The following FAF1 variants were observed in gnomAD, a reference collection of about 807,000 sequenced individuals.
FAF1 encodes the protein Fas associated factor 1.
In FAF1, 25 loss-of-function variants were observed where a neutral mutation model predicts 92.5. The observed-to-expected ratio is 0.27, with a 90% CI of 0.20 to 0.38. The LOEUF is 0.38. Among genes scored for constraint, FAF1 ranks in the 10% least tolerant of loss-of-function variants. The probability of loss-of-function intolerance (pLI) is 1.00; values close to 1 mark genes in which losing one functional copy is unlikely to be tolerated. For synonymous variants in FAF1, 234 were observed against 273.2 expected (o/e 0.86, Z 1.42); for missense variants, 636 against 793.3 (o/e 0.80, Z 2.38).
intron 18 of FAF1, among the ~76,000 whole-genome samples, chr1:50,463,341 A>G (rs934494356): frequency 1.3e-5 from 2 of 152,090 alleles, no homozygotes; most frequent in Admixed American, 1.3e-4. Flanking sequence ...TTTTTCTTCA[A>G]TAATTTTGCT....
chr1:50,797,981 A>G (rs1365741474), intron 3 of FAF1, among the ~76,000 whole-genome samples: 1 of 152,180 alleles, frequency 6.6e-6, no homozygotes, highest in Non-Finnish European at 1.5e-5. Flanking sequence ...AAGGCAATGA[A>G]CAGAAAGAAA....
chr1:50,888,911 A>G (rs1404843923), intron 1 of FAF1, among the ~76,000 whole-genome samples: 2 of 152,006 alleles, frequency 1.3e-5, no homozygotes, highest in African/African-American at 2.4e-5. Flanking sequence ...CTCTTTTTCT[A>G]TTGATTGGAA....
At chr1:50,468,194 G>A (rs1358612601) in intron 18 of FAF1, among the ~76,000 whole-genome samples, 1 of 152,044 alleles carries the variant, frequency 6.6e-6, no homozygotes, top group Admixed American at 6.6e-5. Flanking sequence ...GTATGACAGA[G>A]TGAGACTCTG....
chr1:50,477,039 T>C (rs1423547404), intron 17 of FAF1, among the ~76,000 whole-genome samples: 1 of 152,206 alleles, frequency 6.6e-6, no homozygotes, highest in Non-Finnish European at 1.5e-5. Context: ...AATTATCTGT[T>C]AAAAAATGTT....
At chr1:50,931,360 G>T (rs1233722383) in intron 1 of FAF1, among the ~76,000 whole-genome samples, 3 of 152,016 alleles carry the variant, frequency 2.0e-5, no homozygotes, top group African/African-American at 7.2e-5. Context: ...GTATTAGTTT[G>T]TTTTCACGCT....
chr1:50,765,806 TA>T (rs1557517156), intron 4 of FAF1, among the ~76,000 whole-genome samples: 2 of 152,064 alleles, frequency 1.3e-5, no homozygotes, highest in Non-Finnish European at 2.9e-5. Context: ...AAGAGTAAAA[TA>T]GGGCTAGGCA....
chr1:50,563,605 T>C (rs911809471), intron 13 of FAF1, among the ~76,000 whole-genome samples: 1 of 152,128 alleles, frequency 6.6e-6, no homozygotes, highest in Non-Finnish European at 1.5e-5. Flanking sequence ...TAAGCAACAT[T>C]CTTGGATGGA....
intron 2 of FAF1, among the ~76,000 whole-genome samples, chr1:50,839,577 T>C (rs1644239769): frequency 6.6e-6 from 1 of 152,154 alleles, no homozygotes; most frequent in South Asian, 2.1e-4. Context: ...ATTTTATGCT[T>C]TCACAGGAAG....
In FAF1 at chr1:50,746,156, A is replaced by T. The variant is rs190208376; in HGVS notation, c.368-1381T>A. Among the ~76,000 whole-genome samples, 142 of 150,090 alleles carry T rather than the reference A, an allele frequency of 9.5e-4. 2 individuals carry two copies. Among genetic ancestry groups the T allele is most frequent in the African/African-American group, 3.4e-3 (138 of 40,644 alleles). ...TGACTTAGGATAACTGGAGGAAGAA[A>T]TTTCTAAGGAACAAAGCATTCAAGA... On this transcript the variant is annotated intron_variant, in intron 4 of 18. Transcript: ENST00000396153.
chr1:50,639,630 C>A (rs561548009), intron 8 of FAF1, among the ~76,000 whole-genome samples: 1 of 151,870 alleles, frequency 6.6e-6, no homozygotes, highest in African/African-American at 2.4e-5. Flanking sequence ...CTTCCCTCTT[C>A]TTTCTTTTTT....
intron 1 of FAF1, among the ~76,000 whole-genome samples, chr1:50,865,818 C>A (rs1184201392): frequency 6.8e-6 from 1 of 146,362 alleles, no homozygotes; most frequent in Non-Finnish European, 1.5e-5. Context: ...TGCACATGTA[C>A]CCTAAAACTT....
chr1:50,734,590 C>T (rs919176744), intron 6 of FAF1, among the ~76,000 whole-genome samples: 19 of 151,894 alleles, frequency 1.3e-4, no homozygotes, highest in Non-Finnish European at 2.8e-4. Context: ...AAAAATTAGC[C>T]GGGCGTATTG....
chr1:50,739,291 T>C (rs1020905733), intron 5 of FAF1, among the ~76,000 whole-genome samples: 1 of 152,040 alleles, frequency 6.6e-6, no homozygotes, highest in African/African-American at 2.4e-5. Context: ...TATACATATG[T>C]ACATGTGTAC....
chr1:50,938,666 G>A lies in FAF1; in HGVS notation c.45+21101C>T, dbSNP rs563227211. 3.2e-4 allele frequency among the ~76,000 whole-genome samples: 48 copies of A among 152,292 alleles called. 1 individual carries two copies. Among genetic ancestry groups the A allele is most frequent in the African/African-American group, 1.2e-3 (48 of 41,558 alleles). On this transcript the variant is annotated intron_variant, in intron 1 of 18. Transcript: ENST00000396153. ...ATTCTTTGCGAAGGCCAATATCAAG[G>A]ATATTTCCTGGGTTTTCTTCTACTA...
At chr1:50,526,834 C>T (rs1572808936) in intron 15 of FAF1, among the ~76,000 whole-genome samples, 1 of 151,648 alleles carries the variant, frequency 6.6e-6, no homozygotes, top group Admixed American at 6.6e-5. Context: ...CACATCCTTG[C>T]TAACATTTGT....
chr1:50,911,166 C>G (rs1183691170), intron 1 of FAF1, among the ~76,000 whole-genome samples: 2 of 151,684 alleles, frequency 1.3e-5, no homozygotes, highest in African/African-American at 2.4e-5. Context: ...TCTGCCTCCC[C>G]AGTTCAAGCA....
At chr1:50,836,417 G>T (rs556895672) in intron 2 of FAF1, among the ~76,000 whole-genome samples, 2 of 152,034 alleles carry the variant, frequency 1.3e-5, no homozygotes, top group Non-Finnish European at 2.9e-5. Flanking sequence ...AATAAGTATT[G>T]AACATATATT....
intron 1 of FAF1, among the ~76,000 whole-genome samples, chr1:50,862,052 A>T (rs1316613791): frequency 6.6e-6 from 1 of 151,928 alleles, no homozygotes; most frequent in Non-Finnish European, 1.5e-5. Context: ...ACAAAGTTAC[A>T]AAAATAGTTT....
intron 4 of FAF1, among the ~76,000 whole-genome samples, chr1:50,758,848 T>C (rs947850171): frequency 1.8e-4 from 28 of 152,140 alleles, no homozygotes; most frequent in Admixed American, 1.4e-3. Context: ...ATTATTATTA[T>C]TGTTATTATT....
Sources: allele counts gnomAD v4.1 joint callset (sites outside exome capture counted in the v4.1 genomes callset), GRCh38; gene constraint gnomAD v4.1.1; transcripts MANE v1.5; gene names NCBI Gene and HGNC (gene_info 2026-07-23, HGNC 2026-07-21).